PIK3R3: variants seen among roughly 807,000 people sequenced by gnomAD.
The protein encoded by PIK3R3 is phosphoinositide-3-kinase regulatory subunit 3, also known as phosphatidylinositol 3-kinase regulatory subunit gamma.
In PIK3R3, 64 loss-of-function variants were observed where a neutral mutation model predicts 62.9. The observed-to-expected ratio is 1.02, with a 90% CI of 0.83 to 1.25. PIK3R3 has a LOEUF of 1.25. PIK3R3 is among the 50% of genes most tolerant of loss of function. PIK3R3 has a pLI of 0.00. For missense variants in PIK3R3, 614 were observed against 561.6 expected (o/e 1.09, Z -0.94); for synonymous variants, 165 against 189.0 (o/e 0.87, Z 1.04).
intron 3 of PIK3R3, among the ~76,000 whole-genome samples, chr1:46,069,565 T>C (rs1008976544): frequency 2.6e-5 from 4 of 152,132 alleles, no homozygotes; most frequent in Non-Finnish European, 5.9e-5. Flanking sequence ...AGTTTGGTTT[T>C]AGACACTTTA....
intron 1 of PIK3R3, among the ~76,000 whole-genome samples, chr1:46,114,103 C>T (rs1004456547): frequency 2.0e-5 from 3 of 152,188 alleles, no homozygotes; most frequent in Admixed American, 2.0e-4. Context: ...GTAACGTACA[C>T]TGACTAAACT....
rs1647027973 is a variant in PIK3R3 at position 46,043,268 on chromosome 1, C to T, written c.*405G>A. 8.4e-6 allele frequency: 2 copies of T among 239,186 alleles called. No homozygotes were observed. Among genetic ancestry groups the T allele is most frequent in the Non-Finnish European group, 1.6e-5 (2 of 121,484 alleles). The allele number at this position is 239,186 out of a possible 1,614,324, so 14.8% of individuals were successfully genotyped here. On this transcript the variant is annotated 3_prime_UTR_variant, in exon 10 of 10. Transcript: ENST00000262741. ...AGACTGCCAAAGCAAAACACAACTC[C>T]CAGCAGAGCCATGCCCCTGCTGCAC...
At chr1:46,077,196 G>C (rs1313139367) in intron 3 of PIK3R3, among the ~76,000 whole-genome samples, 2 of 152,166 alleles carry the variant, frequency 1.3e-5, no homozygotes, top group African/African-American at 2.4e-5. Context: ...TCAAAGGATA[G>C]ATTCATTTTT....
intron 3 of PIK3R3, among the ~76,000 whole-genome samples, chr1:46,070,230 GTGA>G (rs1227126378): frequency 6.6e-6 from 1 of 152,210 alleles, no homozygotes; most frequent in Admixed American, 6.5e-5. Context: ...TATTCCTAGA[GTGA>G]TGTCCTTGAG....
intron 1 of PIK3R3, among the ~76,000 whole-genome samples, chr1:46,101,811 T>C (rs144066283): frequency 2.2e-4 from 33 of 152,298 alleles, no homozygotes; most frequent in African/African-American, 7.2e-4. Flanking sequence ...TATTGCTTAA[T>C]GGTTATAGAG....
chr1:46,169,068 G>T, the PIK3R3 span, among the ~76,000 whole-genome samples: 5 of 152,110 alleles, frequency 3.3e-5, no homozygotes, highest in Admixed American at 6.5e-5. Context: ...TTGCACTTAC[G>T]AATGGAACTC....
chr1:46,082,399 C>T (rs904887239), intron 1 of PIK3R3, among the ~76,000 whole-genome samples: 1 of 152,154 alleles, frequency 6.6e-6, no homozygotes, highest in Admixed American at 6.5e-5. Flanking sequence ...CTAAAGAATC[C>T]TGACAATTAA....
intron 3 of PIK3R3, among the ~76,000 whole-genome samples, chr1:46,075,381 A>T (rs1402624933): frequency 6.6e-6 from 1 of 152,208 alleles, no homozygotes; most frequent in Non-Finnish European, 1.5e-5. Flanking sequence ...TGGAAGGTCG[A>T]GGCAGGAGGA....
intron 1 of PIK3R3, among the ~76,000 whole-genome samples, chr1:46,082,752 A>G (rs1238821050): frequency 6.6e-6 from 1 of 152,140 alleles, no homozygotes; most frequent in African/African-American, 2.4e-5. Flanking sequence ...AACAATGTGA[A>G]TATTTCCCCC....
At chr1:46,153,696 G>C in the PIK3R3 span, among the ~76,000 whole-genome samples, 3 of 152,172 alleles carry the variant, frequency 2.0e-5, no homozygotes, top group Non-Finnish European at 4.4e-5. Context: ...AAAAATGAAG[G>C]ATGTCTGTAC....
Position 46,113,381 on chromosome 1 carries a change from C to A in PIK3R3, c.106+18466G>T, listed in dbSNP as rs1201375113. 3.3e-5 allele frequency among the ~76,000 whole-genome samples: 5 copies of A among 151,410 alleles called. No homozygotes were observed. In the East Asian group the frequency reaches 9.7e-4, roughly 29 times the overall value. ...ATGACCCAATCATAGTTCACTGCAG[C>A]CTCCTGGGCTCAAGGAATCCTCCCA... On this transcript the variant is annotated intron_variant, in intron 1 of 9. Coordinates refer to ENST00000262741, the MANE Select transcript of PIK3R3 (RefSeq NM_003629.4).
At chr1:46,112,797 G>T (rs1276037313) in intron 1 of PIK3R3, among the ~76,000 whole-genome samples, 2 of 152,034 alleles carry the variant, frequency 1.3e-5, no homozygotes, top group African/African-American at 4.8e-5. Flanking sequence ...AAGAGAAAAA[G>T]AATCCCACCA....
At chr1:46,100,896 A>G (rs1652599452) in intron 1 of PIK3R3, among the ~76,000 whole-genome samples, 1 of 152,118 alleles carries the variant, frequency 6.6e-6, no homozygotes, top group Non-Finnish European at 1.5e-5. Context: ...TTTTAAAAAT[A>G]TATTTTGTAG....
At chr1:46,146,095 C>G in the PIK3R3 span, among the ~76,000 whole-genome samples, 3 of 152,294 alleles carry the variant, frequency 2.0e-5, no homozygotes, top group Admixed American at 2.0e-4. Flanking sequence ...AACGGGGCTG[C>G]TTATACAAAT....
At position 46,119,251 on chromosome 1, in the gene PIK3R3, G is replaced by A. The variant is rs146619996; in HGVS notation, c.106+12596C>T. ...CACTACTACACTTAGAATAGTGCCT[G>A]GCAGTCAAATATTTGTTGAAAAACA... On this transcript the variant is annotated intron_variant, in intron 1 of 9. Coordinates refer to ENST00000262741, the MANE Select transcript of PIK3R3 (RefSeq NM_003629.4). Among the ~76,000 whole-genome samples, 3 of 152,260 alleles carry A rather than the reference G, an allele frequency of 2.0e-5. No individual in the cohort carries two copies. The East Asian group carries it at 5.8e-4, about 29-fold the overall frequency.
At chr1:46,054,477 G>A (rs1647684908) in intron 7 of PIK3R3, among the ~76,000 whole-genome samples, 1 of 150,482 alleles carries the variant, frequency 6.6e-6, no homozygotes, top group African/African-American at 2.4e-5. Context: ...ATCTCTAGGT[G>A]TATATTTCAT....
chr1:46,159,738 T>TACACACACACACACACAC, the PIK3R3 span, among the ~76,000 whole-genome samples: 457 of 148,106 alleles, frequency 3.1e-3, 3 homozygotes, highest in African/African-American at 0.011. Context: ...ATGAGTACCA[T>TACACACACACACACACAC]ACACACACAC....
chr1:46,153,333 T>C, the PIK3R3 span, among the ~76,000 whole-genome samples: 1 of 152,156 alleles, frequency 6.6e-6, no homozygotes. Context: ...TTTTAAAGAG[T>C]TTCTCCAGGG....
intron 1 of PIK3R3, among the ~76,000 whole-genome samples, chr1:46,087,932 C>A (rs1232311246): frequency 6.6e-6 from 1 of 152,130 alleles, no homozygotes; most frequent in African/African-American, 2.4e-5. Flanking sequence ...AAGTAGAATG[C>A]TGTTGGCCAA....
Sources: allele counts gnomAD v4.1 joint callset (sites outside exome capture counted in the v4.1 genomes callset), GRCh38; gene constraint gnomAD v4.1.1; transcripts MANE v1.5; gene names NCBI Gene and HGNC (gene_info 2026-07-23, HGNC 2026-07-21).